Variants in RRP1B observed in about 807,000 individuals in gnomAD.
RRP1B encodes the protein ribosomal RNA processing 1B, also known as ribosomal RNA processing protein 1 homolog B.
RRP1B carries 56 observed loss-of-function variants against 80.2 expected under a neutral mutation model. The ratio of observed to expected loss-of-function variants is 0.70; its 90% confidence interval spans 0.56 to 0.87. The LOEUF (loss-of-function observed/expected upper bound fraction) is 0.87, where lower values mean the gene tolerates loss of function less well. RRP1B is among the 40% of genes least tolerant of loss of function. The pLI is 0.00. For missense variants in RRP1B, 807 were observed against 939.8 expected (o/e 0.86, Z 1.85); for synonymous variants, 351 against 357.6 (o/e 0.98, Z 0.21).
chr21:43,666,810 C>T (rs1381357528), intron 1 of RRP1B, among the ~76,000 whole-genome samples: 1 of 152,100 alleles, frequency 6.6e-6, no homozygotes, highest in Non-Finnish European at 1.5e-5. Context: ...CAAATGAGGA[C>T]CACCCACTGC....
In RRP1B at chr21:43,693,337, T is replaced by C. The variant is rs1406147325; in HGVS notation, c.2231T>C (p.Leu744Pro). 2 of 1,609,028 alleles carry C rather than the reference T, an allele frequency of 1.2e-6. No homozygotes were observed. Among genetic ancestry groups the C allele is most frequent in the Non-Finnish European group, 1.7e-6 (2 of 1,177,506 alleles). ...TCACCCCTGGTGGCCAAGAAGCCCC[T>C]GACCACCACACCAAGGAGAAGGCCC... ...ASSPLVAKKP[L>P]TTTPRRRPRA... Residue 744 changes from leucine (L) to proline (P), a missense_variant, in exon 16 of 16, where the codon CTG becomes CCG. Physicochemically the swap from Leu to Pro is moderately conservative, Grantham distance 98 (BLOSUM62 -3). Coordinates refer to ENST00000340648, the MANE Select transcript of RRP1B (RefSeq NM_015056.3). This position sits in a 1 kb window ranked among gnomAD's most constrained non-coding sequence, Gnocchi z 4.1.
rs1184576740 is a variant in RRP1B at position 43,693,618 on chromosome 21, A to G, written c.*235A>G. The G allele has an allele frequency of 2.2e-6, 1 of 445,874 alleles. No homozygotes were observed. The highest frequency in any genetic ancestry group is 4.2e-5 in the East Asian group (1 of 23,884). 27.6% of individuals were successfully genotyped at this position (445,874 alleles called of 1,614,324 possible). ...GCGTTTGAGCTCTCCAGGATTTTACATTTTTGGGTAACCTCAGTGATTCCC... is the reference window on the plus strand; with the variant it reads ...GCGTTTGAGCTCTCCAGGATTTTACGTTTTTGGGTAACCTCAGTGATTCCC... On this transcript the variant is annotated 3_prime_UTR_variant, in exon 16 of 16. Transcript: ENST00000340648. The surrounding 1 kb of genome is among the most constrained non-coding windows in gnomAD (Gnocchi z 4.1).
chr21:43,691,926 C>T lies in RRP1B; in HGVS notation c.2083+424C>T, dbSNP rs979047118. On this transcript the variant is annotated intron_variant, in intron 15 of 15. Transcript: ENST00000340648. The surrounding 1 kb of genome is among the most constrained non-coding windows in gnomAD (Gnocchi z 4.2). ...CCTCCCAAAGATCTGGGATTACAAG[C>T]GTGAGCCACCGAGCCCGGCCCCTCA... Among the ~76,000 whole-genome samples, 6 of 151,954 alleles carry T rather than the reference C, an allele frequency of 3.9e-5. No homozygotes were observed. The highest frequency in any genetic ancestry group is 7.4e-5 in the Non-Finnish European group (5 of 67,988).
chr21:43,678,445 C>T (rs2083030590), intron 8 of RRP1B, among the ~76,000 whole-genome samples: 1 of 152,168 alleles, frequency 6.6e-6, no homozygotes, highest in Non-Finnish European at 1.5e-5. Context: ...AGGCATGAGC[C>T]ACCGCGCCCG....
rs776413159 is a variant in RRP1B at position 43,676,350 on chromosome 21, C to G, written c.614+14C>G. On this transcript the variant is annotated intron_variant, in intron 7 of 15. Coordinates refer to ENST00000340648, the MANE Select transcript of RRP1B (RefSeq NM_015056.3). ...GAAGACGAAGGAGTAAGTGATTCCC[C>G]TGTTCGTTCCTCCTGCTCCGTGGCA... is the stretch of plus-strand genomic sequence containing the variant. 6 of 1,595,052 alleles carry G rather than the reference C, an allele frequency of 3.8e-6. No individual in the cohort carries two copies. The highest frequency in any genetic ancestry group is 1.3e-5 in the African/African-American group (1 of 74,578).
chr21:43,664,137 T>C (rs1432238478), intron 1 of RRP1B, among the ~76,000 whole-genome samples: 1 of 151,736 alleles, frequency 6.6e-6, no homozygotes, highest in African/African-American at 2.4e-5. Flanking sequence ...AAAATAGATG[T>C]TTTAAAAGGG....
intron 4 of RRP1B, among the ~76,000 whole-genome samples, chr21:43,674,243 G>A (rs766346237): frequency 2.1e-4 from 32 of 152,314 alleles, no homozygotes; most frequent in South Asian, 1.9e-3. Flanking sequence ...TGCGACCTCC[G>A]CCTCCTGGGT....
chr21:43,670,480 C>T (rs2082995367), intron 2 of RRP1B, among the ~76,000 whole-genome samples: 1 of 152,184 alleles, frequency 6.6e-6, no homozygotes, highest in African/African-American at 2.4e-5. Flanking sequence ...CTGCTGAGCC[C>T]GCTAAGCCCA....
intron 5 of RRP1B, 85 bp downstream of exon 5, chr21:43,674,782 C>G: frequency 1.6e-6 from 2 of 1,242,890 alleles, no homozygotes; most frequent in Non-Finnish European, 2.3e-6. Context: ...TTGTAGAGTA[C>G]CAATGAGAAG....
chr21:43,690,640 G>T (rs2083082627), intron 14 of RRP1B, among the ~76,000 whole-genome samples, 200 bp downstream of exon 14: 2 of 152,016 alleles, frequency 1.3e-5, no homozygotes, highest in Admixed American at 6.6e-5. Flanking sequence ...GTCAGGAAGG[G>T]GACTTTGAGG....
At chr21:43,690,235 A>G (rs1053443835) in intron 13 of RRP1B, 53 bp from the exon 14 acceptor site, 52 of 1,598,204 alleles carry the variant, frequency 3.3e-5, no homozygotes, top group Non-Finnish European at 4.4e-5. Flanking sequence ...TGGGCAGCAC[A>G]GGAGGCTCTG....
chr21:43,662,236 G>A (rs1255750452), intron 1 of RRP1B, among the ~76,000 whole-genome samples: 1 of 152,214 alleles, frequency 6.6e-6, no homozygotes, highest in Non-Finnish European at 1.5e-5. Context: ...TTATGCGGGG[G>A]CCTAAGACCA....
rs1416988885 is a variant in RRP1B at position 43,693,279 on chromosome 21, G to A, written c.2173G>A (p.Val725Met). The A allele has an allele frequency of 1.2e-6, 2 of 1,613,994 alleles. No homozygotes were observed. Among genetic ancestry groups the A allele is most frequent in the African/African-American group, 1.3e-5 (1 of 74,998 alleles). Residue 725 changes from valine (V) to methionine (M), a missense_variant, in exon 16 of 16, where the codon GTG (valine) becomes ATG (methionine). Coordinates refer to ENST00000340648, the MANE Select transcript of RRP1B (RefSeq NM_015056.3). The surrounding 1 kb of genome is among the most constrained non-coding windows in gnomAD (Gnocchi z 4.1). Reference protein sequence around the residue: ...FDPEQKPLHGVLKTPTSSPAS... With the variant: ...FDPEQKPLHGMLKTPTSSPAS... ...CCCTGAACAGAAGCCCCTCCACGGG[G>A]TGCTGAAGACCCCCACCAGCTCACC...
At chr21:43,675,248 C>T (rs2083017270) in intron 6 of RRP1B, 85 bp downstream of exon 6, 4 of 1,332,968 alleles carry the variant, frequency 3.0e-6, no homozygotes, top group Non-Finnish European at 4.2e-6. Flanking sequence ...GTGGGGTGGC[C>T]CTTCGCATGA....
intron 12 of RRP1B, 48 bp downstream of exon 12, chr21:43,686,983 C>T (rs767266394): frequency 6.3e-6 from 10 of 1,594,926 alleles, no homozygotes; most frequent in South Asian, 3.3e-5. Flanking sequence ...CCTTGGGGAG[C>T]GGCATGCACC....
chr21:43,680,596 T>C (rs2083039595), intron 8 of RRP1B, among the ~76,000 whole-genome samples: 1 of 151,288 alleles, frequency 6.6e-6, no homozygotes, highest in African/African-American at 2.4e-5. Flanking sequence ...TGTCTTGCTC[T>C]GTTGCCCAGG....
At chr21:43,690,215 C>T in intron 13 of RRP1B, 73 bp from the exon 14 acceptor site, 1 of 1,555,418 alleles carries the variant, frequency 6.4e-7, no homozygotes, top group Non-Finnish European at 8.7e-7. Flanking sequence ...GCCTTCCCCT[C>T]CTGTGTGTGT....
chr21:43,683,450 T>C (rs1319102831), intron 9 of RRP1B, 77 bp downstream of exon 9: 3 of 1,137,972 alleles, frequency 2.6e-6, no homozygotes, highest in African/African-American at 3.1e-5. Flanking sequence ...GGGTCACAGC[T>C]AGTTAAGCTA....
rs2083085349 is a variant in RRP1B, at chr21:43,691,306, C to G, written c.2020-133C>G. The G allele has an allele frequency of 1.3e-6, 1 of 764,034 alleles. No individual in the cohort carries two copies. Among genetic ancestry groups the G allele is most frequent in the South Asian group, 1.6e-5 (1 of 61,686 alleles). 47.3% of individuals were successfully genotyped at this position (764,034 alleles called of 1,614,324 possible). ...CTTGGCCGCAGTCCCTTTGGCCTCTCCCTATATGTGCCACTCAGTAAGCAG... is the reference window on the plus strand; with the variant it reads ...CTTGGCCGCAGTCCCTTTGGCCTCTGCCTATATGTGCCACTCAGTAAGCAG... On this transcript the variant is annotated intron_variant, in intron 14 of 15. Transcript: ENST00000340648. This position sits in a 1 kb window ranked among gnomAD's most constrained non-coding sequence, Gnocchi z 4.2.
Sources: allele counts gnomAD v4.1 joint callset (sites outside exome capture counted in the v4.1 genomes callset), GRCh38; gene constraint gnomAD v4.1.1; non-coding constraint Gnocchi (gnomAD v3.1); transcripts MANE v1.5; gene names NCBI Gene and HGNC (gene_info 2026-07-23, HGNC 2026-07-21).